TNIK: variants seen among roughly 807,000 people sequenced by gnomAD.
TNIK encodes TRAF2 and NCK interacting kinase.
TNIK carries 49 observed loss-of-function variants against 191.3 expected under a neutral mutation model. That is an observed-to-expected ratio of 0.26 (90% confidence interval 0.20 to 0.32). The LOEUF is 0.32. TNIK is among the 10% of genes least tolerant of loss of function. TNIK has a pLI of 1.00. For missense variants in TNIK, 1,155 were observed against 1,702.3 expected (o/e 0.68, Z 5.66); for synonymous variants, 594 against 600.9 (o/e 0.99, Z 0.17).
At chr3:171,069,121 C>G in intron 29 of TNIK, 124 bp from the exon 30 acceptor site, 1 of 1,270,594 alleles carries the variant, frequency 7.9e-7, no homozygotes, top group Non-Finnish European at 1.1e-6. Context: ...GAAAATTTCT[C>G]TTTCAGTTTT....
chr3:171,300,986 T>C (rs2108269571), intron 2 of TNIK, among the ~76,000 whole-genome samples: 1 of 152,300 alleles, frequency 6.6e-6, no homozygotes, highest in Middle Eastern at 3.4e-3. Context: ...GTCAAAAACT[T>C]TGGGTAAAGG....
chr3:171,164,057 C>T (rs890247833), intron 10 of TNIK, among the ~76,000 whole-genome samples: 2 of 152,212 alleles, frequency 1.3e-5, no homozygotes, highest in African/African-American at 4.8e-5. Flanking sequence ...AAACACCATT[C>T]CTTGGGGAGC....
chr3:171,410,329 C>T (rs1722214472), intron 1 of TNIK, among the ~76,000 whole-genome samples: 1 of 152,196 alleles, frequency 6.6e-6, no homozygotes, highest in South Asian at 2.1e-4. Flanking sequence ...ACTCACATGT[C>T]TGGCACCTTC....
intron 28 of TNIK, among the ~76,000 whole-genome samples, chr3:171,073,182 T>A (rs1846584): frequency 2.4e-4 from 37 of 152,164 alleles, no homozygotes; most frequent in African/African-American, 8.9e-4. Context: ...AAGAAGCATG[T>A]TACTGATACA....
intron 3 of TNIK, chr3:171,225,450 C>T (rs946518548): frequency 7.7e-6 from 3 of 388,146 alleles, no homozygotes; most frequent in East Asian, 8.1e-5. Context: ...AATAGGAGTT[C>T]CCCAAGAGAA....
At chr3:171,202,160 T>C (rs1230840064) in intron 4 of TNIK, among the ~76,000 whole-genome samples, 1 of 152,036 alleles carries the variant, frequency 6.6e-6, no homozygotes, top group Non-Finnish European at 1.5e-5. Context: ...TTGTATTTGG[T>C]GTCTGGACTC....
chr3:171,067,672 CA>C (rs750331814), intron 30 of TNIK, among the ~76,000 whole-genome samples: 3,429 of 78,680 alleles, frequency 0.044, 86 homozygotes, highest in African/African-American at 0.12. Context: ...ACTCCGTATC[CA>C]AAAAAAAAAA....
intron 1 of TNIK, among the ~76,000 whole-genome samples, chr3:171,408,598 C>T (rs1722005322): frequency 2.6e-5 from 4 of 152,200 alleles, no homozygotes. Flanking sequence ...TCACTTAATC[C>T]TCCTGAGCCT....
chr3:171,269,278 A>G (rs1485574087), intron 2 of TNIK, among the ~76,000 whole-genome samples: 1 of 152,232 alleles, frequency 6.6e-6, no homozygotes, highest in Non-Finnish European at 1.5e-5. Context: ...ATCTGACTAA[A>G]TGAATAAATA....
intron 2 of TNIK, among the ~76,000 whole-genome samples, chr3:171,303,188 T>C (rs886743833): frequency 3.3e-5 from 5 of 152,174 alleles, no homozygotes; most frequent in African/African-American, 1.2e-4. Context: ...CCTTTTATTG[T>C]TCAATTATAG....
chr3:171,425,885 T>C (rs1459161772), intron 1 of TNIK, among the ~76,000 whole-genome samples: 1 of 151,676 alleles, frequency 6.6e-6, no homozygotes, highest in Admixed American at 6.6e-5. Flanking sequence ...GCATTCTTTT[T>C]AAACATCAAA....
intron 2 of TNIK, among the ~76,000 whole-genome samples, chr3:171,277,066 A>G (rs1749832591): frequency 6.6e-6 from 1 of 152,200 alleles, no homozygotes; most frequent in Non-Finnish European, 1.5e-5. Context: ...TCACGAATGA[A>G]TTAAAGTGAT....
At chr3:171,169,800 G>C (rs1023646342) in intron 9 of TNIK, among the ~76,000 whole-genome samples, 1 of 152,180 alleles carries the variant, frequency 6.6e-6, no homozygotes, top group Non-Finnish European at 1.5e-5. Context: ...AGTATGCCTT[G>C]CTGGGAGAAA....
chr3:171,191,740 G>A (rs1738091217), intron 5 of TNIK, among the ~76,000 whole-genome samples: 1 of 152,120 alleles, frequency 6.6e-6, no homozygotes, highest in African/African-American at 2.4e-5. Flanking sequence ...ATTATTCAGT[G>A]ACAACTAAAC....
chr3:171,168,370 T>C (rs555458749), intron 9 of TNIK, among the ~76,000 whole-genome samples: 25 of 152,122 alleles, frequency 1.6e-4, no homozygotes, highest in African/African-American at 6.0e-4. Flanking sequence ...GATACAGGAG[T>C]GGATCCCAGG....
At chr3:171,071,946 T>G (rs1719238486) in intron 28 of TNIK, among the ~76,000 whole-genome samples, 2 of 152,280 alleles carry the variant, frequency 1.3e-5, no homozygotes, top group South Asian at 2.1e-4. Flanking sequence ...AGAAGCTTAG[T>G]TAAATGATTG....
chr3:171,203,912 T>C (rs536120710), intron 4 of TNIK, among the ~76,000 whole-genome samples: 9 of 152,232 alleles, frequency 5.9e-5, no homozygotes, highest in Non-Finnish European at 1.0e-4. Flanking sequence ...GCTATCTTAC[T>C]TGACCACCCT....
At chr3:171,102,765 G>GA (rs1723803376) in intron 21 of TNIK, among the ~76,000 whole-genome samples, 1 of 152,164 alleles carries the variant, frequency 6.6e-6, no homozygotes, top group Non-Finnish European at 1.5e-5. Flanking sequence ...TTTCAATCCA[G>GA]AAATGTATGC....
At position 171,386,207 on chromosome 3, in the gene TNIK, G is replaced by GAAAT. The variant is rs555940996; in HGVS notation, c.58-16526_58-16523dup. 1.5e-4 allele frequency among the ~76,000 whole-genome samples: 23 copies of GAAAT among 152,216 alleles called. No homozygotes were observed. The South Asian group carries it at 4.4e-3, about 29-fold the overall frequency. ...TAAGTTGTTGTTTACTTTTTCTTGT[G>GAAAT]AAATAAATAAATAACTCGGAGAGAG... On this transcript the variant is annotated intron_variant, in intron 1 of 32. Coordinates refer to ENST00000436636, the MANE Select transcript of TNIK (RefSeq NM_015028.4).
Sources: allele counts gnomAD v4.1 joint callset (sites outside exome capture counted in the v4.1 genomes callset), GRCh38; gene constraint gnomAD v4.1.1; transcripts MANE v1.5; gene names NCBI Gene and HGNC (gene_info 2026-07-23, HGNC 2026-07-21).